The following ANKRD36C variants were observed in gnomAD, a reference collection of about 807,000 sequenced individuals.
ANKRD36C encodes ankyrin repeat domain 36C.
A neutral mutation model predicts 276.4 loss-of-function variants in ANKRD36C; 61 were observed. The observed-to-expected ratio is 0.22, with a 90% CI of 0.18 to 0.27. The LOEUF (loss-of-function observed/expected upper bound fraction) is 0.27, where lower values mean the gene tolerates loss of function less well. Among genes scored for constraint, ANKRD36C ranks in the 10% least tolerant of loss-of-function variants. The pLI is 1.00. For synonymous variants in ANKRD36C, 483 were observed against 680.1 expected (o/e 0.71, Z 4.51); for missense variants, 1,447 against 2,032.3 (o/e 0.71, Z 5.54).
chr2:95,908,806 A>T lies in ANKRD36C; in HGVS notation c.2653+3438T>A, dbSNP rs1321240308. ...TCTGTCCTCCTGCCTGTATTAGCGTAGGCTTTGATGGCTTCTACTTTGTGT... is the reference window on the plus strand; with the variant it reads ...TCTGTCCTCCTGCCTGTATTAGCGTTGGCTTTGATGGCTTCTACTTTGTGT... On this transcript the variant is annotated intron_variant, in intron 42 of 66. Coordinates refer to ENST00000456556, the Ensembl canonical transcript of ANKRD36C. 86 of 1,508,090 alleles carry T rather than the reference A, an allele frequency of 5.7e-5. 1 individual carries two copies. The highest frequency in any genetic ancestry group is 7.2e-5 in the Non-Finnish European group (80 of 1,114,504). 93.4% of individuals were successfully genotyped at this position (1,508,090 alleles called of 1,614,324 possible).
At chr2:95,901,865 G>C (rs1446234213) in intron 42 of ANKRD36C, among the ~76,000 whole-genome samples, 9 of 144,796 alleles carry the variant, frequency 6.2e-5, no homozygotes, top group African/African-American at 2.1e-4. Flanking sequence ...ATCCACTCTT[G>C]GCACCAAAGG....
intron 42 of ANKRD36C, among the ~76,000 whole-genome samples, chr2:95,904,513 ATG>A (rs1676743017): frequency 1.7e-5 from 1 of 58,208 alleles, no homozygotes; most frequent in Admixed American, 2.1e-4. Context: ...AGAGCCCCTT[ATG>A]TCTTCAACTG....
exon 65 of ANKRD36C, chr2:95,852,191 T>C: frequency 6.2e-7 from 1 of 1,607,574 alleles, no homozygotes; most frequent in Non-Finnish European, 8.5e-7. Flanking sequence ...CCTGTATTTC[T>C]TGAAACTAAA....
intron 36 of ANKRD36C, among the ~76,000 whole-genome samples, chr2:95,916,386 T>C (rs1380311183): frequency 6.6e-6 from 1 of 151,554 alleles, no homozygotes; most frequent in African/African-American, 2.4e-5. Context: ...ATTTCAAACA[T>C]GGTATGATTT....
At chr2:95,963,832 T>C (rs1678512231) in intron 6 of ANKRD36C, among the ~76,000 whole-genome samples, 1 of 122,652 alleles carries the variant, frequency 8.2e-6, no homozygotes, top group East Asian at 2.2e-4. Flanking sequence ...AAAACATACA[T>C]GTCAAAGAAA....
chr2:95,851,870 T>C (rs1358686944), intron 65 of ANKRD36C, 83 bp from the exon 86 acceptor site: 2 of 1,390,918 alleles, frequency 1.4e-6, no homozygotes, highest in African/African-American at 1.5e-5. Flanking sequence ...TCTGAAGGTA[T>C]AATTACACAA....
chr2:95,906,548 G>A (rs1343817254), intron 42 of ANKRD36C, 83 bp downstream of exon 50: 4 of 220,270 alleles, frequency 1.8e-5, no homozygotes, highest in South Asian at 2.7e-5. Context: ...GTGCAGTTTC[G>A]ACCAGCCCCC....
chr2:95,873,862 T>C (rs866164039), intron 59 of ANKRD36C, among the ~76,000 whole-genome samples: 2 of 152,146 alleles, frequency 1.3e-5, no homozygotes, highest in Non-Finnish European at 2.9e-5. Flanking sequence ...ACAAAAATCA[T>C]AAGCATTCTT....
chr2:95,980,476 T>G (rs1678893942), intron 5 of ANKRD36C, among the ~76,000 whole-genome samples, 172 bp downstream of exon 5: 1 of 152,124 alleles, frequency 6.6e-6, no homozygotes, highest in Non-Finnish European at 1.5e-5. Context: ...TTTTTCTTGA[T>G]TTCTGGCTGA....
chr2:95,870,534 C>T (rs1264530886), intron 59 of ANKRD36C, among the ~76,000 whole-genome samples: 1 of 152,028 alleles, frequency 6.6e-6, no homozygotes, highest in Non-Finnish European at 1.5e-5. Context: ...TCATCAAAGA[C>T]CAAAAGTAGA....
chr2:95,968,974 C>G (rs1215895013), intron 6 of ANKRD36C, among the ~76,000 whole-genome samples: 1 of 152,194 alleles, frequency 6.6e-6, no homozygotes, highest in African/African-American at 2.4e-5. Context: ...TCCCAGGGCA[C>G]TCACCCTCTG....
Position 95,891,750 on chromosome 2 carries a change from T to G in ANKRD36C, c.2785-13A>C, listed in dbSNP as rs757641001. On this transcript the variant is annotated splice_polypyrimidine_tract_variant and intron_variant, in intron 45 of 66. Transcript: ENST00000456556. ...CGTCACTTGTAGCCTGAATGGAATT[T>G]GAAATGAAATAATAAATTAATAAAG... 2 of 1,574,896 alleles carry G rather than the reference T, an allele frequency of 1.3e-6. No individual in the cohort carries two copies. The highest frequency in any genetic ancestry group is 1.7e-6 in the Non-Finnish European group (2 of 1,158,654).
exon 27 of ANKRD36C, chr2:95,927,396 T>A: frequency 6.2e-7 from 1 of 1,606,118 alleles, no homozygotes; most frequent in South Asian, 1.1e-5. Flanking sequence ...CAGCTGGTTG[T>A]TTCTGAGAAG....
At chr2:95,934,868 C>A (rs559590358) in intron 24 of ANKRD36C, among the ~76,000 whole-genome samples, 1 of 152,430 alleles carries the variant, frequency 6.6e-6, no homozygotes, top group East Asian at 1.9e-4. Flanking sequence ...CTTTAAAACC[C>A]TGTATCTACC....
chr2:95,991,754 C>G, exon 1 of ANKRD36C: 1 of 1,589,800 alleles, frequency 6.3e-7, no homozygotes, highest in Middle Eastern at 1.7e-4. Flanking sequence ...TTCAGCTCGC[C>G]TTCGGGGATC....
intron 64 of ANKRD36C, chr2:95,853,031 C>T (rs1356657021): frequency 2.0e-5 from 3 of 152,206 alleles, no homozygotes; most frequent in African/African-American, 4.8e-5. Context: ...CTTTGCTGAC[C>T]TTCTATAACC....
At chr2:95,914,212 A>G (rs1376267697) in intron 39 of ANKRD36C, 32 bp from the exon 42 acceptor site, 1 of 1,567,762 alleles carries the variant, frequency 6.4e-7, no homozygotes, top group Non-Finnish European at 8.7e-7. Context: ...ATAATAAGTT[A>G]ATAAAGTATG....
At chr2:95,942,979 G>A in intron 19 of ANKRD36C, among the ~76,000 whole-genome samples, 1 of 152,426 alleles carries the variant, frequency 6.6e-6, no homozygotes, top group South Asian at 2.1e-4. Context: ...CTTTCCTTAC[G>A]ATTCTATAAA....
intron 44 of ANKRD36C, among the ~76,000 whole-genome samples, chr2:95,896,227 G>A (rs995123415): frequency 3.4e-5 from 5 of 148,956 alleles, no homozygotes; most frequent in East Asian, 2.0e-4. Flanking sequence ...TTAGGCTTCC[G>A]AAAGTTTCTT....
Sources: gnomAD v4.1 joint callset for allele counts (sites outside exome capture counted in the v4.1 genomes callset) on GRCh38, gnomAD v4.1.1 for gene constraint, MANE v1.5 for transcripts, NCBI Gene and HGNC (gene_info 2026-07-23, HGNC 2026-07-21) for gene names.